Variants in DTNA observed in about 807,000 individuals in gnomAD.
DTNA encodes dystrobrevin alpha.
A neutral mutation model predicts 100.7 loss-of-function variants in DTNA; 43 were observed. The ratio of observed to expected loss-of-function variants is 0.43; its 90% CI spans 0.33 to 0.55. The LOEUF is 0.55. Among genes scored for constraint, DTNA ranks in the 20% least tolerant of loss-of-function variants. The probability of loss-of-function intolerance (pLI) is 0.04; values close to 1 mark genes in which losing one functional copy is unlikely to be tolerated. For synonymous variants in DTNA, 349 were observed against 347.9 expected (o/e 1.00, Z -0.04); for missense variants, 798 against 953.9 (o/e 0.84, Z 2.15).
chr18:34,786,899 G>A (rs2094528794), intron 3 of DTNA, among the ~76,000 whole-genome samples: 1 of 152,058 alleles, frequency 6.6e-6, no homozygotes, highest in Non-Finnish European at 1.5e-5. Flanking sequence ...CACAACCTAC[G>A]AAGACATTTC....
chr18:34,850,735 A>G (rs2096463445), intron 14 of DTNA, among the ~76,000 whole-genome samples: 1 of 152,246 alleles, frequency 6.6e-6, no homozygotes, highest in Non-Finnish European at 1.5e-5. Flanking sequence ...AAAGAAAGCA[A>G]GACATACATA....
At position 34,807,782 on chromosome 18, in the gene DTNA, A is replaced by G. The variant is rs558784814; in HGVS notation, c.448+1478A>G. Among the ~76,000 whole-genome samples, 34 of 151,278 alleles carry G rather than the reference A, an allele frequency of 2.2e-4. 1 individual carries two copies. In the South Asian group the frequency reaches 6.1e-3, roughly 27 times the overall value. On this transcript the variant is annotated intron_variant, in intron 5 of 22. Transcript: ENST00000444659. ...GCCTGAAAGATATAGAAAATTAAAAACTATCTACCTCAGTGCTTATTTGAG... is the reference window on the plus strand; with the variant it reads ...GCCTGAAAGATATAGAAAATTAAAAGCTATCTACCTCAGTGCTTATTTGAG...
chr18:34,505,090 C>G (rs919073768), intron 1 of DTNA, among the ~76,000 whole-genome samples: 1 of 152,294 alleles, frequency 6.6e-6, no homozygotes, highest in South Asian at 2.1e-4. Flanking sequence ...GGCCAGAACT[C>G]AAAAATCAGT....
At chr18:34,857,599 G>A (rs1251439738) in intron 15 of DTNA, among the ~76,000 whole-genome samples, 1 of 152,122 alleles carries the variant, frequency 6.6e-6, no homozygotes, top group Non-Finnish European at 1.5e-5. Context: ...CCCGACAGAG[G>A]TCACACCAAT....
At chr18:34,686,494 G>A (rs1385404752) in intron 1 of DTNA, among the ~76,000 whole-genome samples, 1 of 152,196 alleles carries the variant, frequency 6.6e-6, no homozygotes, top group Non-Finnish European at 1.5e-5. Flanking sequence ...AAGCCGACTT[G>A]ATTGTGGTGG....
chr18:34,755,795 T>A (rs992539769), intron 1 of DTNA, among the ~76,000 whole-genome samples, 181 bp from the exon 2 acceptor site: 2 of 152,202 alleles, frequency 1.3e-5, no homozygotes, highest in Non-Finnish European at 2.9e-5. Flanking sequence ...ATAATATATA[T>A]GGAAAAATAT....
chr18:34,668,757 G>A (rs1489663456), intron 1 of DTNA, among the ~76,000 whole-genome samples: 1 of 152,080 alleles, frequency 6.6e-6, no homozygotes, highest in Non-Finnish European at 1.5e-5. Context: ...TCTTAATCCT[G>A]AGTTCTAGTT....
rs144916876 is a variant in DTNA at position 34,639,706 on chromosome 18, G to A, written c.-1-116270G>A. On this transcript the variant is annotated intron_variant, in intron 1 of 19. Transcript: ENST00000283365. ...CACAGCTCTTCCTGACCTACTCCAG[G>A]ACTCAGAAGGAAAGAAATACAAGTT... is the stretch of plus-strand genomic sequence containing the variant. Among the ~76,000 whole-genome samples, 411 of 152,294 alleles carry A rather than the reference G, an allele frequency of 2.7e-3. 4 individuals carry two copies. Among genetic ancestry groups the A allele is most frequent in the Non-Finnish European group, 5.4e-4 (37 of 68,032 alleles).
chr18:34,863,926 A>G, intron 16 of DTNA, 40 bp from the exon 17 acceptor site: 1 of 1,561,556 alleles, frequency 6.4e-7, no homozygotes, highest in Non-Finnish European at 8.7e-7. Flanking sequence ...TAGCTCAGAG[A>G]GTTGCATGCC....
At chr18:34,780,510 C>G (rs2094270778) in intron 3 of DTNA, among the ~76,000 whole-genome samples, 1 of 152,140 alleles carries the variant, frequency 6.6e-6, no homozygotes, top group South Asian at 2.1e-4. Flanking sequence ...TTGATATAAT[C>G]AAGTATGATA....
chr18:34,654,485 T>G (rs980976746), intron 1 of DTNA, among the ~76,000 whole-genome samples: 3 of 152,240 alleles, frequency 2.0e-5, no homozygotes, highest in African/African-American at 7.2e-5. Flanking sequence ...AAGTCCATGC[T>G]GTTGGTCACT....
chr18:34,540,093 A>G (rs917469471), intron 1 of DTNA, among the ~76,000 whole-genome samples: 2 of 151,970 alleles, frequency 1.3e-5, no homozygotes, highest in African/African-American at 4.8e-5. Flanking sequence ...AATCTCTTTA[A>G]GCTTTTTATT....
At chr18:34,537,714 A>T (rs2043854100) in intron 1 of DTNA, among the ~76,000 whole-genome samples, 1 of 151,954 alleles carries the variant, frequency 6.6e-6, no homozygotes, top group African/African-American at 2.4e-5. Flanking sequence ...ACCTGGAACT[A>T]TAATTTCAGA....
intron 1 of DTNA, among the ~76,000 whole-genome samples, chr18:34,602,481 A>G (rs1287294290): frequency 6.6e-6 from 1 of 152,188 alleles, no homozygotes; most frequent in Non-Finnish European, 1.5e-5. Context: ...TTTCCAGTGT[A>G]ATTTGACTAT....
In DTNA at chr18:34,881,998, T is replaced by G. The variant is rs111652622; in HGVS notation, c.2163-71T>G. The G allele has an allele frequency of 5.7e-5, 91 of 1,608,436 alleles. No homozygotes were observed. In the African/African-American group the frequency reaches 1.0e-3, roughly 18 times the overall value. On this transcript the variant is annotated intron_variant, in intron 20 of 22. Transcript: ENST00000444659. ...ATAAAGGTGCCAACGAAACTACAGC[T>G]CACACATGAATCCCGCTTGTAATTC... is the stretch of plus-strand genomic sequence containing the variant.
intron 22 of DTNA, among the ~76,000 whole-genome samples, chr18:34,886,880 T>C (rs2096926460): frequency 6.6e-6 from 1 of 152,252 alleles, no homozygotes; most frequent in African/African-American, 2.4e-5. Context: ...ATTGTACTTT[T>C]TCTTAATGTA....
intron 1 of DTNA, among the ~76,000 whole-genome samples, chr18:34,555,016 T>C (rs1489828278): frequency 1.6e-5 from 2 of 127,430 alleles, no homozygotes; most frequent in African/African-American, 6.4e-5. Flanking sequence ...GGACTCTTTT[T>C]GGTTGGTAAA....
At chr18:34,609,219 C>T (rs1443082407) in intron 1 of DTNA, among the ~76,000 whole-genome samples, 1 of 151,324 alleles carries the variant, frequency 6.6e-6, no homozygotes, top group Non-Finnish European at 1.5e-5. Flanking sequence ...CTATCAGTTT[C>T]CCTTTTTGTT....
At chr18:34,518,373 C>CT (rs2041852751) in intron 1 of DTNA, among the ~76,000 whole-genome samples, 1 of 151,772 alleles carries the variant, frequency 6.6e-6, no homozygotes, top group South Asian at 2.1e-4. Context: ...TGTATCTTGT[C>CT]TTTTTTTCTT....
Sources: gnomAD v4.1 joint callset for allele counts (sites outside exome capture counted in the v4.1 genomes callset) on GRCh38, gnomAD v4.1.1 for gene constraint, MANE v1.5 for transcripts, NCBI Gene and HGNC (gene_info 2026-07-23, HGNC 2026-07-21) for gene names.